WAPL: variants seen among roughly 807,000 people sequenced by gnomAD.
The protein encoded by WAPL is WAPL cohesin release factor.
A neutral mutation model predicts 121.0 loss-of-function variants in WAPL; 5 were observed. That is an observed-to-expected ratio of 0.04 (90% CI 0.02 to 0.09). The LOEUF (loss-of-function observed/expected upper bound fraction) is 0.09. WAPL is among the 10% of genes least tolerant of loss of function. The pLI, the probability that WAPL is intolerant of heterozygous loss-of-function variation, is 1.00. For synonymous variants in WAPL, 480 were observed against 481.5 expected (o/e 1.00, Z 0.04); for missense variants, 999 against 1,410.8 (o/e 0.71, Z 4.68).
intron 8 of WAPL, among the ~76,000 whole-genome samples, chr10:86,469,047 T>C (rs1484873990): frequency 6.6e-6 from 1 of 151,844 alleles, no homozygotes; most frequent in African/African-American, 2.4e-5. Context: ...GAGGCTGCAG[T>C]GAGCCAAGAT....
rs1173174924 is a variant in WAPL at position 86,521,694 on chromosome 10, T to C, written c.-352A>G. On this transcript the variant is annotated 5_prime_UTR_variant, in exon 1 of 19. Coordinates refer to ENST00000298767, the MANE Select transcript of WAPL (RefSeq NM_015045.5). ...CTGCGCCGCCGCTTCCGCCGGTGAATGGTCAGTGCTGGAGTTTGAACAGGG... is the reference window on the plus strand; with the variant it reads ...CTGCGCCGCCGCTTCCGCCGGTGAACGGTCAGTGCTGGAGTTTGAACAGGG... The C allele has an allele frequency of 1.3e-5, 6 of 464,010 alleles. No homozygotes were observed. Among genetic ancestry groups the C allele is most frequent in the Non-Finnish European group, 2.7e-5 (6 of 224,574 alleles). 28.7% of individuals were successfully genotyped at this position (464,010 alleles called of 1,614,324 possible).
chr10:86,462,721 CAAAAAAAAAAA>C (rs59998538), intron 9 of WAPL, among the ~76,000 whole-genome samples: 1 of 80,616 alleles, frequency 1.2e-5, no homozygotes, highest in African/African-American at 4.6e-5. Context: ...GATCCCGTCT[CAAAAAAAAAAA>C]AAAAAAAAAG....
intron 2 of WAPL, among the ~76,000 whole-genome samples, chr10:86,509,325 A>G (rs979323117): frequency 1.3e-5 from 2 of 152,120 alleles, no homozygotes; most frequent in African/African-American, 4.8e-5. Context: ...AGCTGCTCAC[A>G]TTACATAGCT....
At chr10:86,437,696 C>A in intron 18 of WAPL, 88 bp from the exon 19 acceptor site, 1 of 1,359,230 alleles carries the variant, frequency 7.4e-7, no homozygotes, top group South Asian at 1.3e-5. Context: ...TCTAGATTTA[C>A]TAAACTGAAC....
chr10:86,449,870 A>G (rs945948257), intron 15 of WAPL, among the ~76,000 whole-genome samples: 1 of 152,370 alleles, frequency 6.6e-6, no homozygotes, highest in African/African-American at 2.4e-5. Context: ...TAGGCTGTAC[A>G]GTGAGCAGCA....
chr10:86,446,131 T>C, intron 16 of WAPL, 111 bp downstream of exon 16: 1 of 1,173,312 alleles, frequency 8.5e-7, no homozygotes. Context: ...ACTAGAGAGG[T>C]CCTCAAGCAA....
chr10:86,472,500 G>A lies in WAPL; in HGVS notation c.1893+112C>T, dbSNP rs1056055113. 2.0e-6 allele frequency: 3 copies of A among 1,513,766 alleles called. No homozygotes were observed. The Admixed American group carries it at 7.0e-5, about 36-fold the overall frequency. The allele number at this position is 1,513,766 out of a possible 1,614,324, so 93.8% of individuals were successfully genotyped here. A position where few individuals can be genotyped will look rare whatever the true frequency, so the allele number is the denominator to read the frequency against. On this transcript the variant is annotated intron_variant, in intron 6 of 18. Transcript: ENST00000298767. The surrounding 1 kb of genome is among the most constrained non-coding windows in gnomAD (Gnocchi z 4.2). The stretch of plus-strand genomic sequence containing the variant: ...GATGATGGTAGGACAAAAGAAGTTT[G>A]TGGTTCAAAACTGAGTATCAGTATA...
In WAPL at chr10:86,436,881, A is replaced by T. The variant is rs573927615; in HGVS notation, c.*662T>A. 10 of 152,778 alleles carry T rather than the reference A, an allele frequency of 6.5e-5. No individual in the cohort carries two copies. Among genetic ancestry groups the T allele is most frequent in the East Asian group, 1.9e-4 (1 of 5,188 alleles). The allele number at this position is 152,778 out of a possible 1,614,324, so 9.5% of individuals were successfully genotyped here. ...TGATATTGAATATGGTTGTGGTCTC[A>T]AAAGTAAAAAATAGTTCAATAACCC... On this transcript the variant is annotated 3_prime_UTR_variant, in exon 19 of 19. Transcript: ENST00000298767.
At position 86,496,392 on chromosome 10, in the gene WAPL, GA is replaced by G. The variant is rs1392647319; in HGVS notation, c.1644+808del. On this transcript the variant is annotated intron_variant, in intron 4 of 18. Transcript: ENST00000298767. ...CAGAGAACAGTTTGGCAGTTCCTCA[GA>G]AAGTTATAGGCCTACCATACTGACC... 2.0e-5 allele frequency among the ~76,000 whole-genome samples: 3 copies of G among 152,086 alleles called. No homozygotes were observed. In the East Asian group the frequency reaches 5.8e-4, roughly 29 times the overall value.
At chr10:86,515,419 G>A (rs1256419694) in intron 2 of WAPL, among the ~76,000 whole-genome samples, 2 of 152,060 alleles carry the variant, frequency 1.3e-5, no homozygotes, top group Non-Finnish European at 2.9e-5. Flanking sequence ...GCTGACCTTG[G>A]ACAGTCATTT....
chr10:86,438,124 C>T (rs1477520120), intron 17 of WAPL, 109 bp from the exon 18 acceptor site: 5 of 694,180 alleles, frequency 7.2e-6, no homozygotes, highest in African/African-American at 5.3e-5. Context: ...TTTTAAGATC[C>T]TTGGAACACG....
chr10:86,476,798 T>C (rs566022560), intron 4 of WAPL, among the ~76,000 whole-genome samples: 8 of 152,134 alleles, frequency 5.3e-5, no homozygotes, highest in African/African-American at 1.7e-4. Flanking sequence ...AACAGAAATA[T>C]ATAGCCTACC....
chr10:86,480,365 A>G (rs1300124874), intron 4 of WAPL, among the ~76,000 whole-genome samples: 1 of 152,256 alleles, frequency 6.6e-6, no homozygotes, highest in East Asian at 1.9e-4. Context: ...TCACTTCAGA[A>G]TATCACCAGG....
chr10:86,475,644 C>CA (rs1841634209), intron 4 of WAPL, among the ~76,000 whole-genome samples: 1 of 152,222 alleles, frequency 6.6e-6, no homozygotes, highest in Non-Finnish European at 1.5e-5. Context: ...CATGCAATGA[C>CA]TTGATCTGGC....
intron 15 of WAPL, among the ~76,000 whole-genome samples, chr10:86,448,517 T>C (rs999742408): frequency 2.0e-5 from 3 of 152,234 alleles, no homozygotes; most frequent in Admixed American, 2.0e-4. Flanking sequence ...AACCTACGTG[T>C]TGACATGAAG....
At chr10:86,442,797 T>C (rs1205659090) in intron 17 of WAPL, among the ~76,000 whole-genome samples, 3 of 152,100 alleles carry the variant, frequency 2.0e-5, no homozygotes, top group Non-Finnish European at 1.5e-5. Context: ...CCCAGAACTT[T>C]GGGAGTCCAA....
At chr10:86,455,698 A>G (rs1841127321) in intron 12 of WAPL, among the ~76,000 whole-genome samples, 1 of 125,314 alleles carries the variant, frequency 8.0e-6, no homozygotes, top group Non-Finnish European at 1.8e-5. Context: ...AAAAAAAAAG[A>G]AAGAAAGAAA....
chr10:86,507,287 G>A (rs1385500581), intron 2 of WAPL, among the ~76,000 whole-genome samples: 1 of 135,888 alleles, frequency 7.4e-6, no homozygotes, highest in Non-Finnish European at 1.5e-5. Flanking sequence ...AGAATCGCTT[G>A]AACCCGGGAG....
At chr10:86,444,552 G>A (rs1448398382) in intron 16 of WAPL, among the ~76,000 whole-genome samples, 2 of 152,150 alleles carry the variant, frequency 1.3e-5, no homozygotes, top group Non-Finnish European at 2.9e-5. Flanking sequence ...TCTGCTGGCT[G>A]AAAGAAGCCA....
Sources: gnomAD v4.1 joint callset for allele counts (sites outside exome capture counted in the v4.1 genomes callset) on GRCh38, gnomAD v4.1.1 for gene constraint, Gnocchi (gnomAD v3.1) non-coding constraint, MANE v1.5 for transcripts, NCBI Gene and HGNC (gene_info 2026-07-23, HGNC 2026-07-21) for gene names.